Variants in CDHR4 observed in about 807,000 individuals in gnomAD.
CDHR4 encodes the protein cadherin-related family member 4.
In CDHR4, 89 loss-of-function variants were observed where a neutral mutation model predicts 88.4. That is an observed-to-expected ratio of 1.01 (90% CI 0.85 to 1.20). The LOEUF (loss-of-function observed/expected upper bound fraction) is 1.20, where lower values mean the gene tolerates loss of function less well. Among genes scored for constraint, CDHR4 ranks in the 50% most tolerant of loss-of-function variants. The pLI, the probability that CDHR4 is intolerant of heterozygous loss-of-function variation, is 0.00. For synonymous variants in CDHR4, 368 were observed against 399.2 expected, an observed-to-expected ratio of 0.92 and a Z score of 0.93; for missense variants, 914 against 1,007.2, an observed-to-expected ratio of 0.91 and a Z score of 1.25.
chr3:49,796,537 A>T (rs1412485644), intron 5 of CDHR4, among the ~76,000 whole-genome samples: 1 of 152,120 alleles, frequency 6.6e-6, no homozygotes, highest in African/African-American at 2.4e-5. Context: ...GGGTTTCTCC[A>T]TGTTGGCCAG....
intron 4 of CDHR4, chr3:49,798,214 T>TG (rs1249508700): frequency 7.1e-6 from 1 of 140,656 alleles, no homozygotes; most frequent in Non-Finnish European, 1.6e-5. Context: ...CCTACATGTT[T>TG]GTTTTTTTTT....
At chr3:49,800,587 A>G (rs2081347065), upstream of CDHR4, among the ~76,000 whole-genome samples, 2 of 152,120 alleles carry the variant, frequency 1.3e-5, no homozygotes, top group Non-Finnish European at 2.9e-5. Context: ...TTATGATAGA[A>G]ATACAAATAC....
rs766730940 is a variant in CDHR4, at chr3:49,791,694, G to C, written c.2283+20C>G. On this transcript the variant is annotated intron_variant, in intron 17 of 18. Coordinates refer to ENST00000412678, the MANE Select transcript of CDHR4 (RefSeq NM_001007540.4). ...GAAGCACCCTTGGTGTCCACTACTTGAGATGGTGAGCTGACATACCAGACT... is the reference window on the plus strand; with the variant it reads ...GAAGCACCCTTGGTGTCCACTACTTCAGATGGTGAGCTGACATACCAGACT... The C allele has an allele frequency of 1.3e-6, 2 of 1,551,250 alleles. No individual in the cohort carries two copies. The highest frequency in any genetic ancestry group is 1.7e-6 in the Non-Finnish European group (2 of 1,146,684).
In CDHR4 at chr3:49,795,185, C is replaced by T. The variant is rs141546831; in HGVS notation, c.1031+11G>A. The T allele has an allele frequency of 1.1e-4, 172 of 1,551,590 alleles. No homozygotes were observed. In the African/African-American group the frequency reaches 1.9e-3, roughly 17 times the overall value. The stretch of plus-strand genomic sequence containing the variant: ...ACCCCAGCAGCCCAAGTATGGTTCC[C>T]GGGTACTCACACCAGAAGCGCTGGG... On this transcript the variant is annotated intron_variant, in intron 8 of 18. Coordinates refer to ENST00000412678, the MANE Select transcript of CDHR4 (RefSeq NM_001007540.4). This position sits in a 1 kb window ranked among gnomAD's most constrained non-coding sequence, Gnocchi z 5.4.
chr3:49,799,357 A>C lies in CDHR4; in HGVS notation c.130T>G (p.Cys44Gly). The C allele has an allele frequency of 6.2e-7, 1 of 1,613,230 alleles. No individual in the cohort carries two copies. Among genetic ancestry groups the C allele is most frequent in the Non-Finnish European group, 8.5e-7 (1 of 1,179,610 alleles). Residue 44 changes from cysteine to glycine, a missense_variant, in exon 2 of 19, where the codon TGC (cysteine) becomes GGC (glycine). By Grantham distance (159) the Cys-to-Gly change is radical. Transcript: ENST00000412678. Reference protein sequence around the residue: ...GTVLQFLSFNCSSYTPTPTLE... With the variant: ...GTVLQFLSFNGSSYTPTPTLE... The stretch of plus-strand genomic sequence containing the variant: ...GTGGGTGTGGGCGTGTAGGAGGAGC[A>C]GTTGAAGGATAAAAACTGAAGGACT...
rs117794954 is a variant in CDHR4 at position 49,794,633 on chromosome 3, G to C, written c.1254C>G (p.Leu418=). The part of the protein sequence containing the change: ...CFQHAASILV[L]DGGQPQMTTE... ...TGGTCATCTGGGGCTGGCCACCATC[G>C]AGCACCAGGATGGAGGCTGCATGCT... is the stretch of plus-strand genomic sequence containing the variant. Residue 418 remains leucine, a synonymous_variant, in exon 10 of 19, where the codon CTC becomes CTG. Transcript: ENST00000412678. The C allele has an allele frequency of 3.0e-4, 465 of 1,551,018 alleles. 1 individual carries two copies. The East Asian group carries it at 9.0e-3, about 30-fold the overall frequency.
chr3:49,796,167 C>T, intron 5 of CDHR4, 121 bp from the exon 6 acceptor site: 1 of 628,370 alleles, frequency 1.6e-6, no homozygotes, highest in Non-Finnish European at 2.7e-6. Flanking sequence ...CTTCAACTTC[C>T]ACTCTTCCCC....
Position 49,795,842 on chromosome 3 carries a change from C to G in CDHR4, c.711-78G>C. ...TCCACAGCTTCCTTCCCTGGGCCCC[C>G]TCCTGTCAGGGCTGGGACTCAGCTC... On this transcript the variant is annotated intron_variant, in intron 6 of 18. Coordinates refer to ENST00000412678, the MANE Select transcript of CDHR4 (RefSeq NM_001007540.4). The surrounding 1 kb of genome is among the most constrained non-coding windows in gnomAD (Gnocchi z 5.4). 1 of 1,533,648 alleles carries G rather than the reference C, an allele frequency of 6.5e-7. No homozygotes were observed. Among genetic ancestry groups the G allele is most frequent in the South Asian group, 1.2e-5 (1 of 80,908 alleles).
chr3:49,794,502 G>A (rs1407700685), intron 10 of CDHR4, 106 bp downstream of exon 10: 1 of 875,976 alleles, frequency 1.1e-6, no homozygotes, highest in Non-Finnish European at 1.8e-6. Context: ...TGACAACCCT[G>A]CCCTACTGGA....
At position 49,790,743 on chromosome 3, in the gene CDHR4, T is replaced by G; in HGVS notation, c.*89A>C. 1 of 1,207,036 alleles carries G rather than the reference T, an allele frequency of 8.3e-7. No homozygotes were observed. Among genetic ancestry groups the G allele is most frequent in the Non-Finnish European group, 1.2e-6 (1 of 864,924 alleles). The allele number at this position is 1,207,036 out of a possible 1,614,324, so 74.8% of individuals were successfully genotyped here. ...TACAAGGCTAGAACTTTTCTTTTTG[T>G]AATTTTGTTTATTATGAATCAACTT... On this transcript the variant is annotated 3_prime_UTR_variant, in exon 19 of 19. Coordinates refer to ENST00000412678, the MANE Select transcript of CDHR4 (RefSeq NM_001007540.4).
chr3:49,798,806 G>T lies in CDHR4; in HGVS notation c.495+20C>A. The T allele has an allele frequency of 1.9e-6, 3 of 1,608,152 alleles. No homozygotes were observed. Among genetic ancestry groups the T allele is most frequent in the Non-Finnish European group, 2.6e-6 (3 of 1,175,436 alleles). The stretch of plus-strand genomic sequence containing the variant: ...CCCCACCCCCATCCTGTCACCCACC[G>T]TCCCATGTTCTGGGCTTACCTGCGC... On this transcript the variant is annotated intron_variant, in intron 4 of 18. Transcript: ENST00000412678.
At position 49,792,997 on chromosome 3, in the gene CDHR4, C is replaced by G. The variant is rs530718899; in HGVS notation, c.1852G>C (p.Glu618Gln). The G allele has an allele frequency of 6.4e-7, 1 of 1,551,566 alleles. No individual in the cohort carries two copies. Among genetic ancestry groups the G allele is most frequent in the Non-Finnish European group, 8.7e-7 (1 of 1,147,012 alleles). ...SDLVLGPFWP[E>Q]QPRTYELLIC... ...AGTAGCTCATAGGTACGGGGCTGCT[C>G]TGGCCAGAACGGCCCCAACACAAGG... Residue 618 changes from glutamate to glutamine, a missense_variant, in exon 14 of 19, where the codon GAG becomes CAG. Physicochemically the swap from Glu to Gln is conservative, Grantham distance 29. Transcript: ENST00000412678.
At position 49,795,067 on chromosome 3, in the gene CDHR4, G is replaced by A. The variant is rs903521342; in HGVS notation, c.1065C>T (p.Thr355=). ...SQIPETAPVG[T]VLNTLTCEDP... Reference sequence around the variant, plus strand: ...CTTCGCAAGTGAGAGTATTCAGCACGGTGCCCACGGGTGCAGTCTCCGGGA... The same window carrying A: ...CTTCGCAAGTGAGAGTATTCAGCACAGTGCCCACGGGTGCAGTCTCCGGGA... Residue 355 remains threonine (T), a synonymous_variant, in exon 9 of 19, where the codon ACC becomes ACT. Coordinates refer to ENST00000412678, the MANE Select transcript of CDHR4 (RefSeq NM_001007540.4). The surrounding 1 kb of genome is among the most constrained non-coding windows in gnomAD (Gnocchi z 5.4). 1.0e-5 allele frequency: 16 copies of A among 1,551,572 alleles called. No homozygotes were observed. The highest frequency in any genetic ancestry group is 1.3e-5 in the Non-Finnish European group (15 of 1,147,014).
chr3:49,799,439 T>C lies in CDHR4; in HGVS notation c.50-2A>G, dbSNP rs1352743427. 6.3e-7 allele frequency: 1 copy of C among 1,589,722 alleles called. No homozygotes were observed. The highest frequency in any genetic ancestry group is 1.1e-5 in the South Asian group (1 of 87,706). ...TAAAGCAGGGCAGGCTGCAGAGGTC[T>C]GTGAAGAGCAGAGAATTCAGGCTGG... is the stretch of plus-strand genomic sequence containing the variant. On this transcript the variant is annotated splice_acceptor_variant, in intron 1 of 18. Coordinates refer to ENST00000412678, the MANE Select transcript of CDHR4 (RefSeq NM_001007540.4). LOFTEE classifies it high-confidence loss of function.
chr3:49,791,507 C>A lies in CDHR4; in HGVS notation c.2284-39G>T, dbSNP rs536765432. 1.8e-3 allele frequency: 2,706 copies of A among 1,541,690 alleles called. 6 individuals carry two copies. The highest frequency in any genetic ancestry group is 2.2e-3 in the Non-Finnish European group (2,491 of 1,144,058). On this transcript the variant is annotated intron_variant, in intron 17 of 18. Coordinates refer to ENST00000412678, the MANE Select transcript of CDHR4 (RefSeq NM_001007540.4). The stretch of plus-strand genomic sequence containing the variant: ...AAAAAAAAAGATGCAATGAATTGAA[C>A]CCTGCCCACAGGGGAGCAGATGAAG...
intron 4 of CDHR4, among the ~76,000 whole-genome samples, chr3:49,797,518 G>C (rs1258060176): frequency 6.6e-6 from 1 of 151,210 alleles, no homozygotes; most frequent in Non-Finnish European, 1.5e-5. Flanking sequence ...TTTCACTCTT[G>C]TTGCCCAGGC....
Position 49,799,391 on chromosome 3 carries a change from G to T in CDHR4, c.96C>A (p.Gly32=). The T allele has an allele frequency of 1.2e-6, 2 of 1,610,168 alleles. No homozygotes were observed. The highest frequency in any genetic ancestry group is 1.7e-6 in the Non-Finnish European group (2 of 1,178,394). Residue 32 remains glycine (G), a synonymous_variant, in exon 2 of 19, where the codon GGC becomes GGA. Coordinates refer to ENST00000412678, the MANE Select transcript of CDHR4 (RefSeq NM_001007540.4). ...ATAAAAACTGAAGGACTGTGCCAGG[G>T]CCCTGGCTCTCAGAGACATTTATAA... ...PCFINVSESQ[G]PGTVLQFLSF...
Position 49,790,876 on chromosome 3 carries a change from C to A in CDHR4, c.2323G>T (p.Asp775Tyr). ...GRAQDSRTGR[D>Y]YLFNTHTGAR... ...CCTGTGTGTGTGTTAAACAGGTAGT[C>A]TCTTCCGGTACCTAAAACCGGTAGG... is the stretch of plus-strand genomic sequence containing the variant. Residue 775 changes from aspartate (D) to tyrosine (Y), a missense_variant, in exon 19 of 19, where the codon GAC becomes TAC. Coordinates refer to ENST00000412678, the MANE Select transcript of CDHR4 (RefSeq NM_001007540.4). 6.4e-7 allele frequency: 1 copy of A among 1,551,340 alleles called. No individual in the cohort carries two copies. The highest frequency in any genetic ancestry group is 1.2e-5 in the South Asian group (1 of 84,034).
intron 18 of CDHR4, 94 bp downstream of exon 18, chr3:49,791,347 A>C: frequency 7.5e-7 from 1 of 1,340,806 alleles, no homozygotes; most frequent in Non-Finnish European, 1.0e-6. Flanking sequence ...TCCTGGGAGT[A>C]GGAGGAGATA....
Sources: gnomAD v4.1 joint callset for allele counts (sites outside exome capture counted in the v4.1 genomes callset) on GRCh38, gnomAD v4.1.1 for gene constraint, Gnocchi (gnomAD v3.1) non-coding constraint, MANE v1.5 for transcripts, NCBI Gene and HGNC (gene_info 2026-07-23, HGNC 2026-07-21) for gene names.